Variants in ASRGL1 observed in about 807,000 individuals in gnomAD.
ASRGL1 encodes the protein asparaginase and isoaspartyl peptidase 1.
ASRGL1 carries 16 observed loss-of-function variants against 22.4 expected under a neutral mutation model. The observed-to-expected ratio is 0.71, with a 90% CI of 0.48 to 1.08. The LOEUF is 1.08. Among genes scored for constraint, ASRGL1 ranks in the 50% least tolerant of loss-of-function variants. The pLI is 0.00. For missense variants in ASRGL1, 412 were observed against 410.1 expected (o/e 1.00, Z -0.04); for synonymous variants, 165 against 159.3 (o/e 1.04, Z -0.27).
intron 4 of ASRGL1, among the ~76,000 whole-genome samples, chr11:62,364,258 C>T (rs373242438): frequency 1.2e-4 from 17 of 144,208 alleles, no homozygotes; most frequent in African/African-American, 2.6e-4. Context: ...TGTGTGTGCG[C>T]GTGCATGTGT....
intron 1 of ASRGL1, 76 bp from the exon 2 acceptor site, chr11:62,337,814 T>C (rs1023022949): frequency 1.4e-6 from 1 of 702,412 alleles, no homozygotes; most frequent in African/African-American, 1.9e-5. Flanking sequence ...CGTACCAAGC[T>C]CGACCGAGCC....
chr11:62,347,326 C>T (rs554294591), intron 2 of ASRGL1, among the ~76,000 whole-genome samples: 13 of 152,164 alleles, frequency 8.5e-5, no homozygotes, highest in Non-Finnish European at 4.4e-5. Context: ...TTGATTAAAT[C>T]GTTGGCCATT....
At chr11:62,346,895 G>C (rs1254246961) in intron 2 of ASRGL1, among the ~76,000 whole-genome samples, 5 of 151,610 alleles carry the variant, frequency 3.3e-5, no homozygotes, top group African/African-American at 1.2e-4. Context: ...ACTTGAACCT[G>C]AGAGACAGAG....
At chr11:62,390,009 A>G (rs1488168920) in intron 5 of ASRGL1, among the ~76,000 whole-genome samples, 3 of 152,176 alleles carry the variant, frequency 2.0e-5, no homozygotes, top group Admixed American at 6.5e-5. Flanking sequence ...TTTTTCTGTC[A>G]TGAACTCAGA....
chr11:62,337,998 C>G lies in ASRGL1; in HGVS notation c.21C>G (p.Val7=). 1 of 1,602,050 alleles carries G rather than the reference C, an allele frequency of 6.2e-7. No homozygotes were observed. Among genetic ancestry groups the G allele is most frequent in the Non-Finnish European group, 8.5e-7 (1 of 1,174,754 alleles). Residue 7 remains valine (V), a synonymous_variant, in exon 2 of 7, where the codon GTC becomes GTG. Transcript: ENST00000415229. ...CCGACATGAATCCCATCGTAGTGGT[C>G]CACGGCGGCGGAGCCGGTCCCATCT... The part of the protein sequence containing the change: MNPIVV[V]HGGGAGPISK...
At chr11:62,373,929 A>G (rs970513638) in intron 4 of ASRGL1, among the ~76,000 whole-genome samples, 1 of 152,242 alleles carries the variant, frequency 6.6e-6, no homozygotes, top group Non-Finnish European at 1.5e-5. Flanking sequence ...CATTTGTATC[A>G]GTTGAGTCAG....
At chr11:62,346,282 T>C (rs951269489) in intron 2 of ASRGL1, among the ~76,000 whole-genome samples, 1 of 152,132 alleles carries the variant, frequency 6.6e-6, no homozygotes, top group African/African-American at 2.4e-5. Context: ...ATAATGGATA[T>C]AATGGAGGAT....
At chr11:62,364,701 A>T (rs1289458728) in intron 4 of ASRGL1, among the ~76,000 whole-genome samples, 1 of 152,202 alleles carries the variant, frequency 6.6e-6, no homozygotes, top group Non-Finnish European at 1.5e-5. Context: ...CAGCAACTTG[A>T]TACTAAGTGA....
intron 4 of ASRGL1, chr11:62,372,498 C>A: frequency 8.2e-7 from 1 of 1,221,944 alleles, no homozygotes; most frequent in South Asian, 1.2e-5. Context: ...AGTTCATTGC[C>A]CGGGCACAGC....
At chr11:62,395,675 C>T (rs994987662), downstream of ASRGL1, among the ~76,000 whole-genome samples, 4 of 151,460 alleles carry the variant, frequency 2.6e-5, no homozygotes, top group African/African-American at 7.3e-5. Context: ...GTTCTTCCCG[C>T]CCCCCACCTG....
chr11:62,369,589 C>A (rs1411433365), intron 4 of ASRGL1, among the ~76,000 whole-genome samples: 1 of 152,100 alleles, frequency 6.6e-6, no homozygotes, highest in African/African-American at 2.4e-5. Context: ...ATGAAATTTA[C>A]AATAATAGTA....
At chr11:62,337,645 A>C in intron 1 of ASRGL1, 71 bp downstream of exon 1, 2 of 253,530 alleles carry the variant, frequency 7.9e-6, no homozygotes, top group Non-Finnish European at 1.5e-5. Flanking sequence ...GAAAATAGAC[A>C]TTTTCCCGAA....
intron 4 of ASRGL1, among the ~76,000 whole-genome samples, chr11:62,387,192 A>C (rs11231070): frequency 0.28 from 42,077 of 151,676 alleles, 5,924 homozygotes; most frequent in South Asian, 0.36. Context: ...TGTGAGCCAC[A>C]GCGCCTGGCC....
intron 2 of ASRGL1, among the ~76,000 whole-genome samples, chr11:62,348,429 C>T (rs1391191167): frequency 2.0e-5 from 3 of 152,084 alleles, no homozygotes; most frequent in Admixed American, 1.3e-4. Context: ...CATGGCCGGG[C>T]GTGGTGACTC....
chr11:62,393,697 C>T (rs1245395734), downstream of ASRGL1, among the ~76,000 whole-genome samples: 1 of 152,128 alleles, frequency 6.6e-6, no homozygotes, highest in Non-Finnish European at 1.5e-5. Flanking sequence ...CAACAACTCC[C>T]CCTTTAGAAA....
At position 62,356,443 on chromosome 11, in the gene ASRGL1, A is replaced by G. The variant is rs940027499; in HGVS notation, c.309A>G (p.Lys103=). The G allele has an allele frequency of 6.2e-7, 1 of 1,614,168 alleles. No individual in the cohort carries two copies. Among genetic ancestry groups the G allele is most frequent in the Non-Finnish European group, 8.5e-7 (1 of 1,180,030 alleles). The change falls in exon 3 of 7, where the codon AAA becomes AAG. Residue 103 remains lysine, a synonymous_variant. Transcript: ENST00000415229. The part of the protein sequence containing the change: ...SAVQCIANPI[K]LARLVMEKTP... ...TCCAGTGTATAGCAAATCCCATTAA[A>G]CTTGCTCGGCTTGTCATGGAAAAGG...
intron 4 of ASRGL1, among the ~76,000 whole-genome samples, chr11:62,362,596 ATATT>A (rs1203085996): frequency 4.4e-5 from 3 of 68,284 alleles, no homozygotes; most frequent in African/African-American, 1.1e-4. Context: ...TATATAATAT[ATATT>A]ATATAAAATA....
intron 4 of ASRGL1, chr11:62,372,977 G>A (rs1946814148): frequency 6.3e-6 from 9 of 1,438,022 alleles, no homozygotes; most frequent in African/African-American, 1.4e-5. Context: ...GCCCATCACC[G>A]ACCTTTGGGG....
chr11:62,361,960 G>A (rs1200604217), intron 4 of ASRGL1, among the ~76,000 whole-genome samples: 1 of 152,138 alleles, frequency 6.6e-6, no homozygotes, highest in Non-Finnish European at 1.5e-5. Flanking sequence ...AGAATTGAAA[G>A]AAAACTTTCT....
Sources: gnomAD v4.1 joint callset for allele counts (sites outside exome capture counted in the v4.1 genomes callset) on GRCh38, gnomAD v4.1.1 for gene constraint, MANE v1.5 for transcripts, NCBI Gene and HGNC (gene_info 2026-07-23, HGNC 2026-07-21) for gene names.